The following ILF2 variants were observed in gnomAD, a reference collection of about 807,000 sequenced individuals.
The protein encoded by ILF2 is interleukin enhancer binding factor 2, also known as interleukin enhancer-binding factor 2.
ILF2 carries 9 observed loss-of-function variants against 55.3 expected under a neutral mutation model. The observed-to-expected ratio is 0.16, with a 90% CI of 0.10 to 0.28. The LOEUF (loss-of-function observed/expected upper bound fraction) is 0.28, where lower values mean the gene tolerates loss of function less well. Ranked by LOEUF, ILF2 falls within the 10% of genes least tolerant of loss-of-function variation. The pLI is 1.00. For missense variants in ILF2, 266 were observed against 474.9 expected (o/e 0.56, Z 4.09); for synonymous variants, 151 against 161.8 (o/e 0.93, Z 0.50).
chr1:153,668,806 G>A (rs1440699166), intron 3 of ILF2, among the ~76,000 whole-genome samples: 1 of 151,944 alleles, frequency 6.6e-6, no homozygotes, highest in African/African-American at 2.4e-5. Context: ...GCTGAGGTGA[G>A]AGAATCCCTT....
In ILF2 at chr1:153,663,294, C is replaced by CATCAAAATGGCACTTCTGATAACT; in HGVS notation, c.745-19_745-18insAGTTATCAGAAGTGCCATTTTGAT. ...TAATGGCCCTGAAAAATAATAAATC[C>CATCAAAATGGCACTTCTGATAACT]AGTAGGTGTGCCATCAAAATGGCAC... On this transcript the variant is annotated intron_variant, in intron 10 of 13. Transcript: ENST00000361891. The CATCAAAATGGCACTTCTGATAACT allele has an allele frequency of 6.2e-7, 1 of 1,612,618 alleles. No homozygotes were observed. Among genetic ancestry groups the CATCAAAATGGCACTTCTGATAACT allele is most frequent in the Non-Finnish European group, 8.5e-7 (1 of 1,178,754 alleles).
At chr1:153,663,977 CT>C (rs1256561284) in intron 10 of ILF2, 65 bp downstream of exon 10, 5 of 796,422 alleles carry the variant, frequency 6.3e-6, no homozygotes, top group Non-Finnish European at 1.1e-5. Context: ...ACTACTACTA[CT>C]ACTACTACTA....
intron 3 of ILF2, among the ~76,000 whole-genome samples, chr1:153,669,608 CTTT>C (rs1411364135): frequency 1.3e-5 from 2 of 151,968 alleles, no homozygotes; most frequent in South Asian, 2.1e-4. Flanking sequence ...GCCCAGCCAA[CTTT>C]TTTATTTTTA....
At chr1:153,666,511 T>C (rs775057349) in intron 6 of ILF2, among the ~76,000 whole-genome samples, 6 of 151,838 alleles carry the variant, frequency 4.0e-5, no homozygotes, top group Non-Finnish European at 7.4e-5. Flanking sequence ...TGCACCACCA[T>C]GCCCAGCTAA....
chr1:153,667,234 T>G, intron 6 of ILF2: 1 of 435,084 alleles, frequency 2.3e-6, no homozygotes, highest in Non-Finnish European at 4.1e-6. Context: ...TCCCAGCACT[T>G]TGGGAGGCTG....
At chr1:153,669,776 A>T in intron 3 of ILF2, 60 bp downstream of exon 3, 1 of 1,327,238 alleles carries the variant, frequency 7.5e-7, no homozygotes, top group Non-Finnish European at 1.1e-6. Context: ...TAACTGGGAG[A>T]TACTGGGCTC....
In ILF2 at chr1:153,664,411, T is replaced by C; in HGVS notation, c.641A>G (p.Asn214Ser). The C allele has an allele frequency of 6.2e-7, 1 of 1,613,394 alleles. No homozygotes were observed. Among genetic ancestry groups the C allele is most frequent in the South Asian group, 1.1e-5 (1 of 91,050 alleles). Residue 214 changes from asparagine (N) to serine (S), a missense_variant, in exon 9 of 14, where the codon AAT (asparagine) becomes AGT (serine). Coordinates refer to ENST00000361891, the MANE Select transcript of ILF2 (RefSeq NM_004515.4). Reference sequence around the variant, plus strand: ...AGGGACTCACGTGGACTGAGAAGCATTTTCCTCGAACCAGCGGGCATGTCG... The same window carrying C: ...AGGGACTCACGTGGACTGAGAAGCACTTTCCTCGAACCAGCGGGCATGTCG... ...AIRHARWFEE[N>S]ASQSTVKVLI...
chr1:153,663,037 G>A lies in ILF2; in HGVS notation c.903C>T (p.Val301=), dbSNP rs1260260737. ...CESGNFRVHT[V]MTLEQQDMVC... is the part of the protein sequence containing the mutation. ...CCAATACCTGCTGTTCTAGGGTCATGACTGTGTGTACTCTAAAGTTGCCAC... is the reference window on the plus strand; with the variant it reads ...CCAATACCTGCTGTTCTAGGGTCATAACTGTGTGTACTCTAAAGTTGCCAC... The change falls in exon 12 of 14, where the codon GTC becomes GTT. Residue 301 remains valine, a synonymous_variant. Transcript: ENST00000361891. The A allele has an allele frequency of 1.9e-6, 3 of 1,613,570 alleles. No homozygotes were observed. The highest frequency in any genetic ancestry group is 1.3e-5 in the African/African-American group (1 of 75,018).
rs1669212028 is a variant in ILF2 at position 153,663,047 on chromosome 1, A to G, written c.893T>C (p.Val298Ala). 4 of 1,613,894 alleles carry G rather than the reference A, an allele frequency of 2.5e-6. No individual in the cohort carries two copies. The highest frequency in any genetic ancestry group is 3.4e-6 in the Non-Finnish European group (4 of 1,179,854). ...TDPCESGNFR[V>A]HTVMTLEQQD... is the part of the protein sequence containing the mutation. ...CTGTTCTAGGGTCATGACTGTGTGTACTCTAAAGTTGCCACTCTCACAGGG... is the reference window on the plus strand; with the variant it reads ...CTGTTCTAGGGTCATGACTGTGTGTGCTCTAAAGTTGCCACTCTCACAGGG... Residue 298 changes from valine to alanine, a missense_variant, in exon 12 of 14, where the codon GTA becomes GCA. Coordinates refer to ENST00000361891, the MANE Select transcript of ILF2 (RefSeq NM_004515.4).
Position 153,663,286 on chromosome 1 carries a change from A to C in ILF2, c.745-10T>G. On this transcript the variant is annotated splice_polypyrimidine_tract_variant and intron_variant, in intron 10 of 13. Transcript: ENST00000361891. ...TCACAGCATAATGGCCCTGAAAAATAATAAATCCAGTAGGTGTGCCATCAA... is the reference window on the plus strand; with the variant it reads ...TCACAGCATAATGGCCCTGAAAAATCATAAATCCAGTAGGTGTGCCATCAA... 1 of 1,613,864 alleles carries C rather than the reference A, an allele frequency of 6.2e-7. No individual in the cohort carries two copies. Among genetic ancestry groups the C allele is most frequent in the Non-Finnish European group, 8.5e-7 (1 of 1,179,752 alleles).
intron 6 of ILF2, among the ~76,000 whole-genome samples, chr1:153,666,430 T>C (rs1355934744): frequency 1.3e-5 from 2 of 152,158 alleles, no homozygotes; most frequent in African/African-American, 2.4e-5. Flanking sequence ...CCTCCCTAAG[T>C]GTTGGGATTA....
intron 3 of ILF2, among the ~76,000 whole-genome samples, chr1:153,668,799 G>C (rs1341246055): frequency 6.6e-6 from 1 of 152,016 alleles, no homozygotes; most frequent in African/African-American, 2.4e-5. Flanking sequence ...TTGGGAGGCT[G>C]AGGTGAGAGA....
intron 3 of ILF2, among the ~76,000 whole-genome samples, chr1:153,669,323 A>G (rs1418083199): frequency 1.3e-5 from 2 of 152,252 alleles, no homozygotes; most frequent in Admixed American, 6.5e-5. Context: ...TATACCATAA[A>G]TACAATTACT....
At chr1:153,670,778 T>C in intron 1 of ILF2, 140 bp downstream of exon 1, 1 of 1,015,248 alleles carries the variant, frequency 9.8e-7, no homozygotes. Context: ...TCTCTCCCAC[T>C]ATCCTAGACC....
intron 1 of ILF2, 46 bp from the exon 2 acceptor site, chr1:153,670,276 C>A (rs1669410110): frequency 6.3e-7 from 1 of 1,589,406 alleles, no homozygotes; most frequent in African/African-American, 1.3e-5. Context: ...GAATACCCAC[C>A]GGCCATATCA....
At chr1:153,667,183 C>G in intron 6 of ILF2, 1 of 316,590 alleles carries the variant, frequency 3.2e-6, no homozygotes, top group Non-Finnish European at 5.7e-6. Flanking sequence ...TTTGAGCTTT[C>G]AAGATCCGTA....
At chr1:153,667,787 AACC>A (rs748721342) in intron 5 of ILF2, 130 bp from the exon 6 acceptor site, 24 of 714,200 alleles carry the variant, frequency 3.4e-5, no homozygotes, top group Non-Finnish European at 5.3e-5. Flanking sequence ...TCACCCCCAA[AACC>A]ACCACATGAA....
At chr1:153,670,345 T>C (rs1422898098) in intron 1 of ILF2, 115 bp from the exon 2 acceptor site, 7 of 963,590 alleles carry the variant, frequency 7.3e-6, no homozygotes, top group Non-Finnish European at 1.1e-5. Context: ...GAGACCCCAC[T>C]CACACTTACA....
chr1:153,669,255 C>G (rs962523761), intron 3 of ILF2, among the ~76,000 whole-genome samples: 1 of 152,042 alleles, frequency 6.6e-6, no homozygotes, highest in Non-Finnish European at 1.5e-5. Flanking sequence ...AAAGTTCAAA[C>G]AAGGATAAAA....
Sources: allele counts gnomAD v4.1 joint callset (sites outside exome capture counted in the v4.1 genomes callset), GRCh38; gene constraint gnomAD v4.1.1; transcripts MANE v1.5; gene names NCBI Gene and HGNC (gene_info 2026-07-23, HGNC 2026-07-21).